Variants in MGAT5 observed in about 807,000 individuals in gnomAD.
MGAT5 encodes the protein alpha-1,6-mannosylglycoprotein 6-beta-N-acetylglucosaminyltransferase A.
In MGAT5, 30 loss-of-function variants were observed where a neutral mutation model predicts 94.3. That is an observed-to-expected ratio of 0.32 (90% CI 0.24 to 0.43). MGAT5 has a LOEUF of 0.43. Among genes scored for constraint, MGAT5 ranks in the 20% least tolerant of loss-of-function variants. The pLI, the probability that MGAT5 is intolerant of heterozygous loss-of-function variation, is 1.00. For synonymous variants in MGAT5, 310 were observed against 322.9 expected, an observed-to-expected ratio of 0.96 and a Z score of 0.43; for missense variants, 691 against 905.5, an observed-to-expected ratio of 0.76 and a Z score of 3.04.
At chr2:134,152,689 G>A (rs1687281811) in intron 1 of MGAT5, among the ~76,000 whole-genome samples, 1 of 152,230 alleles carries the variant, frequency 6.6e-6, no homozygotes, top group South Asian at 2.1e-4. Context: ...TGGTAACTAT[G>A]TTTGTCTCCA....
At chr2:134,330,350 T>C (rs925264152) in intron 4 of MGAT5, among the ~76,000 whole-genome samples, 5 of 152,164 alleles carry the variant, frequency 3.3e-5, no homozygotes, top group Admixed American at 6.6e-5. Flanking sequence ...CCCACTGAAA[T>C]AGGTCTCTTA....
chr2:134,277,692 G>A (rs977066055), intron 2 of MGAT5, among the ~76,000 whole-genome samples: 1 of 152,212 alleles, frequency 6.6e-6, no homozygotes, highest in Non-Finnish European at 1.5e-5. Flanking sequence ...TACTGTATGA[G>A]CATTTGTTAA....
intron 2 of MGAT5, among the ~76,000 whole-genome samples, chr2:134,304,201 G>GT (rs148900642): frequency 0.017 from 2,645 of 152,228 alleles, 86 homozygotes; most frequent in African/African-American, 0.06. Context: ...CTTCCCCCTG[G>GT]TTTTGGTATG....
chr2:134,246,679 G>A (rs188106529), intron 1 of MGAT5, among the ~76,000 whole-genome samples: 8 of 152,310 alleles, frequency 5.3e-5, no homozygotes, highest in Non-Finnish European at 1.5e-5. Context: ...TGTTCCATAC[G>A]GAGAGGTCTC....
rs3034344 is a variant in MGAT5 at position 134,302,716 on chromosome 2, C to CTGTGTGTGTGTG, written c.407-14769_407-14758dup. The stretch of plus-strand genomic sequence containing the variant: ...GTTTTCTCTCAGCATTTAAGAAATG[C>CTGTGTGTGTGTG]TGTGTGTGTGTGTGTGTGTGTGTGT... On this transcript the variant is annotated intron_variant, in intron 2 of 15. Coordinates refer to ENST00000281923, the MANE Select transcript of MGAT5 (RefSeq NM_002410.5). 8.2e-4 allele frequency among the ~76,000 whole-genome samples: 109 copies of CTGTGTGTGTGTG among 133,686 alleles called. 1 individual carries two copies. Among genetic ancestry groups the CTGTGTGTGTGTG allele is most frequent in the Admixed American group, 5.8e-3 (77 of 13,216 alleles). 87.7% of individuals were successfully genotyped at this position (133,686 alleles called of 152,430 possible).
chr2:134,397,929 A>G (rs941335474), intron 10 of MGAT5, among the ~76,000 whole-genome samples: 6 of 152,196 alleles, frequency 3.9e-5, no homozygotes, highest in African/African-American at 1.4e-4. Flanking sequence ...AAGTACTCCC[A>G]TGGCTGGTTC....
At chr2:134,259,359 T>C (rs1407125646) in intron 1 of MGAT5, among the ~76,000 whole-genome samples, 1 of 152,212 alleles carries the variant, frequency 6.6e-6, no homozygotes, top group Non-Finnish European at 1.5e-5. Flanking sequence ...TGAATTGATC[T>C]CTGTCTCCAG....
At chr2:134,378,617 C>CTT (rs70973450) in intron 10 of MGAT5, among the ~76,000 whole-genome samples, 63,460 of 139,798 alleles carry the variant, frequency 0.45, 17,040 homozygotes, top group Non-Finnish European at 0.59. Context: ...ATCTGGATTA[C>CTT]TTTTTTTTTT....
At chr2:134,442,413 C>T (rs1361825985) in intron 15 of MGAT5, among the ~76,000 whole-genome samples, 1 of 152,162 alleles carries the variant, frequency 6.6e-6, no homozygotes, top group African/African-American at 2.4e-5. Flanking sequence ...CGGCACAAAA[C>T]TGCCCACAAC....
chr2:134,349,260 A>G (rs988847585), intron 8 of MGAT5, among the ~76,000 whole-genome samples: 3 of 152,220 alleles, frequency 2.0e-5, no homozygotes, highest in African/African-American at 4.8e-5. Flanking sequence ...ATAAAGTTCT[A>G]TTACTATCAG....
At position 134,176,572 on chromosome 2, in the gene MGAT5, T is replaced by TAAAAAAAAAAA. The variant is rs66689362; in HGVS notation, c.-143+56294_-143+56304dup. Among the ~76,000 whole-genome samples, 497 of 83,152 alleles carry TAAAAAAAAAAA rather than the reference T, an allele frequency of 6.0e-3. 9 individuals carry two copies. The highest frequency in any genetic ancestry group is 0.018 in the African/African-American group (333 of 18,460). The allele number at this position is 83,152 out of a possible 152,430, so 54.6% of individuals were successfully genotyped here. On this transcript the variant is annotated intron_variant, in intron 1 of 16. Coordinates refer to the MGAT5 transcript ENST00000409645. ...TGGGTGACAGAGGGAGACTCTGTCT[T>TAAAAAAAAAAA]AAAAAAAAAAAAAAAAAAAAAAATT...
intron 1 of MGAT5, among the ~76,000 whole-genome samples, chr2:134,213,570 C>T (rs1423006406): frequency 6.6e-6 from 1 of 152,188 alleles, no homozygotes; most frequent in Non-Finnish European, 1.5e-5. Flanking sequence ...CCACTTCAGA[C>T]ACCAGTCACA....
intron 1 of MGAT5, among the ~76,000 whole-genome samples, chr2:134,217,186 T>A (rs756404656): frequency 6.6e-6 from 1 of 151,530 alleles, no homozygotes; most frequent in Non-Finnish European, 1.5e-5. Context: ...TTGCTGGTAT[T>A]GCAAATGTGA....
intron 1 of MGAT5, among the ~76,000 whole-genome samples, chr2:134,148,004 C>T (rs1687002242): frequency 6.6e-6 from 1 of 152,128 alleles, no homozygotes; most frequent in African/African-American, 2.4e-5. Flanking sequence ...AATGGTGGTA[C>T]AGAATAAAAC....
At chr2:134,372,677 G>A (rs1167345454) in intron 10 of MGAT5, among the ~76,000 whole-genome samples, 8 of 152,172 alleles carry the variant, frequency 5.3e-5, no homozygotes, top group East Asian at 3.9e-4. Context: ...GGCCTTTGTC[G>A]AAGGTGGTTA....
chr2:134,330,554 A>AGAGTGTGTGTGTGTGTGT (rs1553447779), intron 4 of MGAT5, among the ~76,000 whole-genome samples: 1 of 148,494 alleles, frequency 6.7e-6, no homozygotes, highest in Non-Finnish European at 1.5e-5. Context: ...TAAATTGTGT[A>AGAGTGTGTGTGTGTGTGT]GTGTGTGTGT....
intron 7 of MGAT5, among the ~76,000 whole-genome samples, chr2:134,343,160 A>G (rs1255700331): frequency 2.0e-5 from 3 of 152,208 alleles, no homozygotes; most frequent in East Asian, 3.8e-4. Flanking sequence ...TGGGGAGGTC[A>G]GGAAAGACAT....
Position 134,195,317 on chromosome 2 carries a change from AG to A in MGAT5, c.-142-58944del, listed in dbSNP as rs550428356. On this transcript the variant is annotated intron_variant, in intron 1 of 16. Coordinates refer to the MGAT5 transcript ENST00000409645. ...CCTTTACATTTTTAACTCAGAAAAA[AG>A]ATTCAAGTGTGAATTTTCTGTTTCT... Among the ~76,000 whole-genome samples the A allele has an allele frequency of 7.7e-4, 118 of 152,352 alleles. 1 individual carries two copies. The highest frequency in any genetic ancestry group is 2.7e-3 in the African/African-American group (111 of 41,578).
chr2:134,365,478 T>A (rs1435229808), intron 10 of MGAT5, among the ~76,000 whole-genome samples: 3 of 151,950 alleles, frequency 2.0e-5, no homozygotes, highest in African/African-American at 7.3e-5. Context: ...TTAACAGAAA[T>A]CAAAAAAATG....
Sources: gnomAD v4.1 joint callset for allele counts (sites outside exome capture counted in the v4.1 genomes callset) on GRCh38, gnomAD v4.1.1 for gene constraint, MANE v1.5 for transcripts, NCBI Gene and HGNC (gene_info 2026-07-23, HGNC 2026-07-21) for gene names.